The following PBX3 variants were observed in gnomAD, a reference collection of about 807,000 sequenced individuals.
PBX3 encodes the protein pre-B-cell leukemia transcription factor 3.
A neutral mutation model predicts 48.5 loss-of-function variants in PBX3; 14 were observed. The ratio of observed to expected loss-of-function variants is 0.29; its 90% CI spans 0.19 to 0.45. PBX3 has a LOEUF of 0.45. PBX3 is among the 20% of genes least tolerant of loss of function. The pLI is 1.00. For missense variants in PBX3, 386 were observed against 546.7 expected, an observed-to-expected ratio of 0.71 and a Z score of 2.93; for synonymous variants, 210 against 200.3, an observed-to-expected ratio of 1.05 and a Z score of -0.41.
intron 2 of PBX3, among the ~76,000 whole-genome samples, chr9:125,780,733 C>G (rs1837260581): frequency 7.6e-6 from 1 of 131,636 alleles, no homozygotes; most frequent in Non-Finnish European, 1.7e-5. Context: ...GCTGACCCCC[C>G]CCACCTCCCT....
At position 125,747,585 on chromosome 9, in the gene PBX3, G is replaced by A; in HGVS notation, c.132G>A (p.Gln44=). 1 of 1,607,356 alleles carries A rather than the reference G, an allele frequency of 6.2e-7. No homozygotes were observed. Among genetic ancestry groups the A allele is most frequent in the African/African-American group, 1.4e-5 (1 of 74,028 alleles). The change falls in exon 1 of 9, where the codon CAG becomes CAA. Residue 44 remains glutamine, a synonymous_variant. Coordinates refer to ENST00000373489, the MANE Select transcript of PBX3 (RefSeq NM_006195.6). ...GGGCGGACGGCGACGGCAGGAAGCA[G>A]GACATCGGCGACATCCTCCACCAGA... ...HEGADGDGRK[Q]DIGDILHQIM...
intron 2 of PBX3, among the ~76,000 whole-genome samples, chr9:125,854,756 T>G (rs1171177958): frequency 6.6e-6 from 1 of 152,186 alleles, no homozygotes; most frequent in Non-Finnish European, 1.5e-5. Context: ...TCATTGTCAT[T>G]TAGGACAATT....
chr9:125,754,101 A>C (rs1449880911), intron 2 of PBX3, among the ~76,000 whole-genome samples: 1 of 152,246 alleles, frequency 6.6e-6, no homozygotes, highest in East Asian at 1.9e-4. Context: ...AATGCTTAAC[A>C]CATCAGCACT....
At chr9:125,881,026 C>A (rs887190703) in intron 2 of PBX3, among the ~76,000 whole-genome samples, 2 of 152,176 alleles carry the variant, frequency 1.3e-5, no homozygotes, top group African/African-American at 4.8e-5. Context: ...CTCATTAAGT[C>A]TTTTCAAAAC....
chr9:125,778,411 C>G (rs973741982), intron 2 of PBX3, among the ~76,000 whole-genome samples: 1 of 152,028 alleles, frequency 6.6e-6, no homozygotes, highest in African/African-American at 2.4e-5. Context: ...GCGCCTGCCA[C>G]CATACCTGAT....
intron 2 of PBX3, among the ~76,000 whole-genome samples, chr9:125,754,813 A>G (rs1253172601): frequency 6.6e-6 from 1 of 151,874 alleles, no homozygotes; most frequent in African/African-American, 2.4e-5. Flanking sequence ...ATCAAACTGA[A>G]TTGGCGTAAC....
At chr9:125,859,040 T>C (rs1343782954) in intron 2 of PBX3, among the ~76,000 whole-genome samples, 1 of 152,126 alleles carries the variant, frequency 6.6e-6, no homozygotes, top group African/African-American at 2.4e-5. Context: ...CATAGACAAG[T>C]CTAAGGCCTG....
intron 2 of PBX3, among the ~76,000 whole-genome samples, chr9:125,771,625 A>G (rs1449308040): frequency 1.3e-5 from 2 of 152,228 alleles, no homozygotes; most frequent in African/African-American, 2.4e-5. Flanking sequence ...ATGTAAAATC[A>G]TATCTTTTTT....
At chr9:125,752,604 A>G (rs1346173820) in intron 2 of PBX3, among the ~76,000 whole-genome samples, 2 of 152,160 alleles carry the variant, frequency 1.3e-5, no homozygotes, top group Non-Finnish European at 2.9e-5. Context: ...GTGAACCCAC[A>G]GGTTTAGAGA....
At position 125,960,743 on chromosome 9, in the gene PBX3, G is replaced by A; in HGVS notation, c.903G>A (p.Gln301=). 6.2e-7 allele frequency: 1 copy of A among 1,614,206 alleles called. No homozygotes were observed. The part of the protein sequence containing the change: ...IRYKKNIGKF[Q]EEANLYAAKT... ...ACAAGAAGAACATTGGCAAGTTTCA[G>A]GAAGAAGCCAACCTCTATGCTGCAA... The change falls in exon 6 of 9, where the codon CAG becomes CAA. Residue 301 remains glutamine, a synonymous_variant. Coordinates refer to ENST00000373489, the MANE Select transcript of PBX3 (RefSeq NM_006195.6).
intron 2 of PBX3, among the ~76,000 whole-genome samples, chr9:125,782,409 C>A (rs934016570): frequency 1.3e-5 from 2 of 152,200 alleles, no homozygotes; most frequent in African/African-American, 4.8e-5. Flanking sequence ...CAAACCATAT[C>A]ATCTGGTTTT....
intron 2 of PBX3, among the ~76,000 whole-genome samples, chr9:125,760,275 A>C (rs1306594521): frequency 6.6e-6 from 1 of 152,186 alleles, no homozygotes; most frequent in African/African-American, 2.4e-5. Context: ...TTAAATTGTA[A>C]ATTTCAGTTC....
At chr9:125,879,517 G>C (rs1414743037) in intron 2 of PBX3, among the ~76,000 whole-genome samples, 1 of 152,128 alleles carries the variant, frequency 6.6e-6, no homozygotes, top group African/African-American at 2.4e-5. Flanking sequence ...CAAACTTGTG[G>C]CAAGTGGGTT....
intron 2 of PBX3, among the ~76,000 whole-genome samples, chr9:125,890,909 C>T (rs1405579585): frequency 6.6e-6 from 1 of 152,186 alleles, no homozygotes; most frequent in Non-Finnish European, 1.5e-5. Context: ...GTGTGCACAG[C>T]ATTTAATGAG....
chr9:125,832,417 G>A (rs995248563), intron 2 of PBX3, among the ~76,000 whole-genome samples: 3 of 152,148 alleles, frequency 2.0e-5, no homozygotes, highest in Non-Finnish European at 4.4e-5. Flanking sequence ...GGATGGTCTC[G>A]ATCTCCTTAC....
chr9:125,868,728 C>T (rs781578472), intron 2 of PBX3, among the ~76,000 whole-genome samples: 31 of 152,254 alleles, frequency 2.0e-4, no homozygotes, highest in Admixed American at 3.3e-4. Flanking sequence ...CAGACCTTAG[C>T]GATACCCTAC....
At chr9:125,904,527 A>G (rs913688947) in intron 2 of PBX3, among the ~76,000 whole-genome samples, 1 of 151,900 alleles carries the variant, frequency 6.6e-6, no homozygotes, top group Non-Finnish European at 1.5e-5. Flanking sequence ...AGAGCGAGCC[A>G]TTATGAAAGG....
intron 2 of PBX3, among the ~76,000 whole-genome samples, chr9:125,833,754 A>C (rs1197859672): frequency 6.6e-6 from 1 of 152,228 alleles, no homozygotes; most frequent in Non-Finnish European, 1.5e-5. Context: ...GAAGCTAAAA[A>C]GTTTTAGGTG....
rs764276074 is a variant in PBX3 at position 125,747,627 on chromosome 9, C to T, written c.174C>T (p.Asp58=). ...DILHQIMTIT[D]QSLDEAQAKK... is the part of the protein sequence containing the mutation. ...TCCACCAGATCATGACCATCACCGA[C>T]CAGAGCTTGGACGAGGCGCAAGCAA... Residue 58 remains aspartate, a synonymous_variant, in exon 1 of 9, where the codon GAC becomes GAT. Transcript: ENST00000373489. The T allele has an allele frequency of 4.4e-6, 7 of 1,597,364 alleles. No homozygotes were observed. The highest frequency in any genetic ancestry group is 1.7e-5 in the Admixed American group (1 of 58,486).
Sources: allele counts gnomAD v4.1 joint callset (sites outside exome capture counted in the v4.1 genomes callset), GRCh38; gene constraint gnomAD v4.1.1; transcripts MANE v1.5; gene names NCBI Gene and HGNC (gene_info 2026-07-23, HGNC 2026-07-21).